ASB1: variants seen among roughly 807,000 people sequenced by gnomAD.
The protein encoded by ASB1 is ankyrin repeat and SOCS box containing 1.
Under a neutral mutation model 27.7 loss-of-function variants are expected in ASB1, and 18 were observed. That is an observed-to-expected ratio of 0.65 (90% CI 0.45 to 0.96). ASB1 has a LOEUF of 0.96. ASB1 is among the 50% of genes least tolerant of loss of function. The pLI is 0.00. For missense variants in ASB1, 397 were observed against 451.7 expected, an observed-to-expected ratio of 0.88 and a Z score of 1.10; for synonymous variants, 189 against 187.6, an observed-to-expected ratio of 1.01 and a Z score of -0.06.
intron 2 of ASB1, among the ~76,000 whole-genome samples, chr2:238,434,410 C>A (rs1200635235): frequency 1.3e-5 from 2 of 152,210 alleles, no homozygotes; most frequent in African/African-American, 2.4e-5. Flanking sequence ...CAGTAGCAGC[C>A]AGGAACTATC....
intron 2 of ASB1, among the ~76,000 whole-genome samples, 175 bp from the exon 3 acceptor site, chr2:238,435,536 C>T (rs949809040): frequency 2.0e-5 from 3 of 152,212 alleles, no homozygotes; most frequent in Admixed American, 6.5e-5. Context: ...GCCTGCCCTG[C>T]CATGCCCCGG....
intron 3 of ASB1, among the ~76,000 whole-genome samples, chr2:238,441,468 C>G (rs1702076668): frequency 1.3e-5 from 2 of 152,292 alleles, no homozygotes; most frequent in African/African-American, 4.8e-5. Context: ...AGCTTGTATC[C>G]TTGTCTCCTT....
At chr2:238,435,628 A>T in intron 2 of ASB1, 83 bp from the exon 3 acceptor site, 1 of 1,406,470 alleles carries the variant, frequency 7.1e-7, no homozygotes, top group Non-Finnish European at 9.6e-7. Context: ...GACCGTGTCC[A>T]TGCTGCCAGG....
rs1559419185 is a variant in ASB1 at position 238,452,228 on chromosome 2, G to A, written c.*5717G>A. The A allele has an allele frequency of 6.6e-6, 1 of 152,340 alleles. No individual in the cohort carries two copies. The highest frequency in any genetic ancestry group is 1.9e-4 in the East Asian group (1 of 5,186). 9.4% of individuals were successfully genotyped at this position (152,340 alleles called of 1,614,324 possible). A position where few individuals can be genotyped will look rare whatever the true frequency, so the allele number is the denominator to read the frequency against. On this transcript the variant is annotated 3_prime_UTR_variant, in exon 5 of 5. Coordinates refer to ENST00000264607, the MANE Select transcript of ASB1 (RefSeq NM_001040445.3). ...ACCTGGAATGAACGAATTAAATAAA[G>A]ACATGCATCCATCTGTCAGCGACTC...
chr2:238,432,299 C>T (rs192022134), intron 1 of ASB1, among the ~76,000 whole-genome samples: 12 of 152,186 alleles, frequency 7.9e-5, no homozygotes, highest in Admixed American at 2.0e-4. Context: ...AGAAATGGGT[C>T]ACGCTTTATT....
intron 1 of ASB1, 26 bp downstream of exon 1, chr2:238,427,145 G>C: frequency 8.1e-7 from 1 of 1,237,724 alleles, no homozygotes; most frequent in East Asian, 3.2e-5. Context: ...CCACTGGGCC[G>C]CGGGGCGTGT....
chr2:238,429,728 C>T (rs1013044428), intron 1 of ASB1, among the ~76,000 whole-genome samples: 2 of 152,090 alleles, frequency 1.3e-5, no homozygotes, highest in Non-Finnish European at 2.9e-5. Context: ...GTCAGGAGAT[C>T]AAGATCATCC....
intron 2 of ASB1, 116 bp downstream of exon 2, chr2:238,433,811 A>G (rs1035658049): frequency 7.0e-5 from 87 of 1,246,758 alleles, no homozygotes; most frequent in Non-Finnish European, 9.1e-5. Context: ...AATGTGTTCC[A>G]GTTTTAGAGG....
At chr2:238,435,663 C>T in intron 2 of ASB1, 48 bp from the exon 3 acceptor site, 1 of 1,557,544 alleles carries the variant, frequency 6.4e-7, no homozygotes, top group East Asian at 2.3e-5. Context: ...GCAGCCCGTC[C>T]CTGTCCTGCG....
chr2:238,432,346 A>G (rs1013114854), intron 1 of ASB1, among the ~76,000 whole-genome samples: 1 of 152,172 alleles, frequency 6.6e-6, no homozygotes, highest in Non-Finnish European at 1.5e-5. Context: ...TAATCCAAGT[A>G]CTTGGTGTTT....
At chr2:238,439,965 G>A (rs930641279) in intron 3 of ASB1, among the ~76,000 whole-genome samples, 3 of 152,106 alleles carry the variant, frequency 2.0e-5, no homozygotes, top group African/African-American at 7.2e-5. Context: ...ATAGACTCAT[G>A]GTTTCTGATA....
At position 238,426,930 on chromosome 2, in the gene ASB1, G is replaced by A. The variant is rs950942382; in HGVS notation, c.-141G>A. 5 of 548,144 alleles carry A rather than the reference G, an allele frequency of 9.1e-6. No individual in the cohort carries two copies. The East Asian group carries it at 1.9e-4, about 21-fold the overall frequency. 34.0% of individuals were successfully genotyped at this position (548,144 alleles called of 1,614,324 possible). A position where few individuals can be genotyped will look rare whatever the true frequency, so the allele number is the denominator to read the frequency against. On this transcript the variant is annotated 5_prime_UTR_variant, in exon 1 of 5. Transcript: ENST00000264607. ...CCCCTGCGCGGCCCCGGAAACCAGT[G>A]AGGCCGGCGCGCGCCCGCCGGAAGC...
At chr2:238,441,424 C>T (rs1173125192) in intron 3 of ASB1, among the ~76,000 whole-genome samples, 4 of 152,284 alleles carry the variant, frequency 2.6e-5, no homozygotes, top group East Asian at 3.9e-4. Flanking sequence ...CATGAGCCAC[C>T]GCGCTTGGCC....
chr2:238,435,282 A>G (rs1701945910), intron 2 of ASB1: 2 of 196,880 alleles, frequency 1.0e-5, no homozygotes, highest in Non-Finnish European at 2.1e-5. Context: ...TGAGGCCTAG[A>G]GAGGCCCAGC....
chr2:238,435,405 C>G, intron 2 of ASB1: 2 of 379,290 alleles, frequency 5.3e-6, no homozygotes, highest in South Asian at 6.0e-5. Context: ...CCCTTCCCAC[C>G]TTTGTAGAGG....
intron 3 of ASB1, among the ~76,000 whole-genome samples, chr2:238,436,284 A>G (rs1042487482): frequency 6.6e-6 from 1 of 152,070 alleles, no homozygotes; most frequent in African/African-American, 2.4e-5. Flanking sequence ...CAAACTTGCA[A>G]CGTTAATTTA....
Position 238,444,407 on chromosome 2 carries a change from G to A in ASB1, c.560G>A (p.Arg187Gln), listed in dbSNP as rs772021227. The A allele has an allele frequency of 1.7e-5, 28 of 1,613,406 alleles. No individual in the cohort carries two copies. Among genetic ancestry groups the A allele is most frequent in the Admixed American group, 1.2e-4 (7 of 60,000 alleles). ...GATGTCCAGCCTCGATTCTCCCGGC[G>A]GCTCACCTCCTTGGTGGTCTGCCCC... ...TPDVQPRFSR[R>Q]LTSLVVCPLY... Residue 187 changes from arginine (R) to glutamine (Q), a missense_variant, in exon 4 of 5, where the codon CGG becomes CAG. Coordinates refer to ENST00000264607, the MANE Select transcript of ASB1 (RefSeq NM_001040445.3).
chr2:238,437,386 C>T (rs139439918), intron 3 of ASB1, among the ~76,000 whole-genome samples: 106 of 152,198 alleles, frequency 7.0e-4, no homozygotes, highest in African/African-American at 2.4e-3. Flanking sequence ...TGCCCACCAC[C>T]ATGGCCAGCT....
chr2:238,433,474 C>A, intron 1 of ASB1, 80 bp from the exon 2 acceptor site: 1 of 1,536,294 alleles, frequency 6.5e-7, no homozygotes, highest in Admixed American at 1.9e-5. Context: ...AGAGGGAAGG[C>A]TCGCTGCAGA....
Sources: allele counts gnomAD v4.1 joint callset (sites outside exome capture counted in the v4.1 genomes callset), GRCh38; gene constraint gnomAD v4.1.1; transcripts MANE v1.5; gene names NCBI Gene and HGNC (gene_info 2026-07-23, HGNC 2026-07-21).